Variants in TRIM21 observed in about 807,000 individuals in gnomAD.
TRIM21 encodes E3 ubiquitin-protein ligase TRIM21.
Under a neutral mutation model 36.1 loss-of-function variants are expected in TRIM21, and 35 were observed. That is an observed-to-expected ratio of 0.97 (90% CI 0.74 to 1.28). The LOEUF is 1.28. Among genes scored for constraint, TRIM21 ranks in the 50% most tolerant of loss-of-function variants. The pLI, the probability that TRIM21 is intolerant of heterozygous loss-of-function variation, is 0.00. For synonymous variants in TRIM21, 256 were observed against 211.5 expected (o/e 1.21, Z -1.83); for missense variants, 635 against 570.7 (o/e 1.11, Z -1.15).
In TRIM21 at chr11:4,385,629, A is replaced by C. The variant is rs1369127259; in HGVS notation, c.1084T>G (p.Ser362Ala). 6.2e-7 allele frequency: 1 copy of C among 1,612,794 alleles called. No individual in the cohort carries two copies. The highest frequency in any genetic ancestry group is 8.5e-7 in the Non-Finnish European group (1 of 1,179,304). ...EAWDLGVCRD[S>A]VRRKGHFLLS... is the part of the protein sequence containing the mutation. ...AAAAAGTGCCCCTTCCTGCGCACAG[A>C]GTCTCTGCAGACACCCAGGTCCCAG... The change falls in exon 7 of 7, where the codon TCT becomes GCT. Residue 362 changes from serine to alanine, a missense_variant. Ser to Ala is a moderately conservative substitution (Grantham distance 99, BLOSUM62 1). Transcript: ENST00000254436.
In TRIM21 at chr11:4,389,948, T is replaced by A. The variant is rs577257440; in HGVS notation, c.408+54A>T. On this transcript the variant is annotated intron_variant, in intron 2 of 6. Transcript: ENST00000254436. Reference sequence around the variant, plus strand: ...CCCCTCCAATCCAGAGGTGGTCCTCTCCCATTCCCTGCTCTGAAAACGAAG... The same window carrying A: ...CCCCTCCAATCCAGAGGTGGTCCTCACCCATTCCCTGCTCTGAAAACGAAG... The A allele has an allele frequency of 1.2e-3, 1,921 of 1,590,992 alleles. 2 individuals are homozygous for A. The highest frequency in any genetic ancestry group is 1.2e-3 in the Non-Finnish European group (1,427 of 1,166,352).
intron 1 of TRIM21, among the ~76,000 whole-genome samples, 169 bp from the exon 2 acceptor site, chr11:4,390,627 T>C (rs1172580532): frequency 6.6e-6 from 1 of 151,980 alleles, no homozygotes; most frequent in East Asian, 1.9e-4. Flanking sequence ...GCCAAAGCTA[T>C]CCTGAGCAAA....
chr11:4,389,532 G>A, intron 3 of TRIM21, 122 bp downstream of exon 3: 2 of 831,558 alleles, frequency 2.4e-6, no homozygotes, highest in Non-Finnish European at 4.1e-6. Flanking sequence ...CTTCTGGAGA[G>A]TGAGACGGAC....
chr11:4,390,752 G>A (rs888411582), intron 1 of TRIM21, among the ~76,000 whole-genome samples: 8 of 152,056 alleles, frequency 5.3e-5, no homozygotes, highest in African/African-American at 1.9e-4. Flanking sequence ...GTAGAATAAA[G>A]AACCCAGAAA....
intron 3 of TRIM21, 145 bp from the exon 4 acceptor site, chr11:4,388,675 G>GCGCA (rs2133052248): frequency 1.3e-6 from 1 of 751,518 alleles, no homozygotes; most frequent in South Asian, 1.7e-5. Context: ...ACGCACACGC[G>GCGCA]CGCACACACA....
chr11:4,386,279 A>G (rs746569837), intron 5 of TRIM21, 22 bp from the exon 6 acceptor site: 2 of 1,589,732 alleles, frequency 1.3e-6, no homozygotes, highest in Admixed American at 3.3e-5. Flanking sequence ...AGAGTTTGAG[A>G]CTCCTGTCTC....
Position 4,388,506 on chromosome 11 carries a change from T to C in TRIM21, c.529A>G (p.Arg177Gly). The change falls in exon 4 of 7, where the codon AGG becomes GGG. Residue 177 changes from arginine to glycine, a missense_variant. Coordinates refer to ENST00000254436, the MANE Select transcript of TRIM21 (RefSeq NM_003141.4). ...WKKTVETQKSRIHAEFVQQKN... is the reference protein window; with the variant it reads ...WKKTVETQKSGIHAEFVQQKN... The stretch of plus-strand genomic sequence containing the variant: ...TGCTGCACAAACTCTGCGTGAATCC[T>C]AGATTTCTGTGTTTCCACTGTTTTC... 1.9e-6 allele frequency: 3 copies of C among 1,610,436 alleles called. No individual in the cohort carries two copies. Among genetic ancestry groups the C allele is most frequent in the Non-Finnish European group, 2.5e-6 (3 of 1,179,860 alleles).
In TRIM21 at chr11:4,385,337, G is replaced by A. The variant is rs1450208691; in HGVS notation, c.1376C>T (p.Pro459Leu). The A allele has an allele frequency of 1.9e-6, 3 of 1,613,622 alleles. No individual in the cohort carries two copies. Among genetic ancestry groups the A allele is most frequent in the Non-Finnish European group, 2.5e-6 (3 of 1,179,880 alleles). The change falls in exon 7 of 7, where the codon CCT becomes CTT. Residue 459 changes from proline (P) to leucine (L), a missense_variant. By Grantham distance (98) the Pro-to-Leu change is moderately conservative. Transcript: ENST00000254436. Reference sequence around the variant, plus strand: ...AATATTCAGTGGACAGAGGGTTAGAGGGGCTGTGTTTTTTCCTCCATCATT... The same window carrying A: ...AATATTCAGTGGACAGAGGGTTAGAAGGGCTGTGTTTTTTCCTCCATCATT... Reference protein sequence around the residue: ...GFNDGGKNTAPLTLCPLNIGS... With the variant: ...GFNDGGKNTALLTLCPLNIGS...
intron 1 of TRIM21, among the ~76,000 whole-genome samples, chr11:4,391,391 G>GT (rs1266102726): frequency 1.3e-5 from 2 of 152,190 alleles, no homozygotes; most frequent in African/African-American, 4.8e-5. Context: ...TCTCATCTCA[G>GT]TTAAAATGTC....
chr11:4,387,156 T>C (rs1356761188), intron 4 of TRIM21, among the ~76,000 whole-genome samples, 166 bp from the exon 5 acceptor site: 1 of 151,968 alleles, frequency 6.6e-6, no homozygotes, highest in African/African-American at 2.4e-5. Flanking sequence ...GCAGAAAGGA[T>C]GTGTGGCTGC....
chr11:4,385,504 A>C lies in TRIM21; in HGVS notation c.1209T>G (p.Pro403=). The change falls in exon 7 of 7, where the codon CCT becomes CCG. Residue 403 remains proline (P), a synonymous_variant. Coordinates refer to ENST00000254436, the MANE Select transcript of TRIM21 (RefSeq NM_003141.4). ...CCAGGAAAATCCCAACTTGGCATGG[A>C]GGCACCTGAAGGTGGAGGGGAGTCT... ...YPQTPLHLQV[P]PCQVGIFLDY... The C allele has an allele frequency of 6.2e-7, 1 of 1,611,658 alleles. No homozygotes were observed. The highest frequency in any genetic ancestry group is 8.5e-7 in the Non-Finnish European group (1 of 1,178,794).
intron 1 of TRIM21, among the ~76,000 whole-genome samples, chr11:4,392,964 C>G: frequency 6.6e-6 from 1 of 152,128 alleles, no homozygotes; most frequent in East Asian, 1.9e-4. Flanking sequence ...ATTAATCCCT[C>G]CTATAACGGC....
chr11:4,387,178 C>A (rs2094957103), intron 4 of TRIM21, among the ~76,000 whole-genome samples, 188 bp from the exon 5 acceptor site: 1 of 151,842 alleles, frequency 6.6e-6, no homozygotes, highest in African/African-American at 2.4e-5. Flanking sequence ...TGTGAGGTAA[C>A]CAGAAGCCCA....
rs184562776 is a variant in TRIM21, at chr11:4,386,146, A to C, written c.859+11T>G. 80 of 1,612,086 alleles carry C rather than the reference A, an allele frequency of 5.0e-5. No individual in the cohort carries two copies. Among genetic ancestry groups the C allele is most frequent in the Admixed American group, 1.0e-4 (6 of 59,972 alleles). ...CCCCATTATCCCCCGCAAAACTAGA[A>C]CTTGCCTCACCTGCACATGTCCTCA... On this transcript the variant is annotated intron_variant, in intron 6 of 6. Transcript: ENST00000254436.
At chr11:4,387,054 T>A in intron 4 of TRIM21, 64 bp from the exon 5 acceptor site, 3 of 1,491,622 alleles carry the variant, frequency 2.0e-6, no homozygotes, top group South Asian at 1.2e-5. Context: ...ACATCAGCCC[T>A]GTGGGTGATG....
At chr11:4,393,325 C>G (rs927287763) in intron 1 of TRIM21, among the ~76,000 whole-genome samples, 1 of 152,048 alleles carries the variant, frequency 6.6e-6, no homozygotes, top group Non-Finnish European at 1.5e-5. Flanking sequence ...TGGGGGCAGC[C>G]GGGCCCCTTC....
intron 2 of TRIM21, 63 bp downstream of exon 2, chr11:4,389,939 G>A (rs1200339111): frequency 6.3e-7 from 1 of 1,579,638 alleles, no homozygotes; most frequent in Non-Finnish European, 8.6e-7. Context: ...CAATCCAGAG[G>A]TGGTCCTCTC....
rs750164091 is a variant in TRIM21, at chr11:4,385,382, G to A, written c.1331C>T (p.Pro444Leu). ...SECAFTGPLRPFFSPGFNDGG... is the reference protein window; with the variant it reads ...SECAFTGPLRLFFSPGFNDGG... ...ATCATTGAAACCAGGACTGAAGAAGGGCCGCAGAGGTCCTGTAAAGGCACA... is the reference window on the plus strand; with the variant it reads ...ATCATTGAAACCAGGACTGAAGAAGAGCCGCAGAGGTCCTGTAAAGGCACA... The change falls in exon 7 of 7, where the codon CCC becomes CTC. Residue 444 changes from proline to leucine, a missense_variant. Physicochemically the swap from Pro to Leu is moderately conservative, Grantham distance 98 (BLOSUM62 -3). Transcript: ENST00000254436. 1.9e-6 allele frequency: 3 copies of A among 1,613,828 alleles called. No homozygotes were observed. The highest frequency in any genetic ancestry group is 3.3e-5 in the Admixed American group (2 of 60,018).
In TRIM21 at chr11:4,393,656, T is replaced by C. The variant is rs990397252; in HGVS notation, c.-73A>G. 2 of 152,182 alleles carry C rather than the reference T, an allele frequency of 1.3e-5. No homozygotes were observed. The highest frequency in any genetic ancestry group is 4.8e-5 in the African/African-American group (2 of 41,412). 9.4% of individuals were successfully genotyped at this position (152,182 alleles called of 1,614,324 possible). On this transcript the variant is annotated 5_prime_UTR_variant, in exon 1 of 7. Coordinates refer to ENST00000254436, the MANE Select transcript of TRIM21 (RefSeq NM_003141.4). ...ACCTTTACAGGGGACTCAACGCTGG[T>C]AGCCAGCTCCCTATTTCACTTTCAG...
Sources: gnomAD v4.1 joint callset for allele counts (sites outside exome capture counted in the v4.1 genomes callset) on GRCh38, gnomAD v4.1.1 for gene constraint, MANE v1.5 for transcripts, NCBI Gene and HGNC (gene_info 2026-07-23, HGNC 2026-07-21) for gene names.